Variants in SLC2A13 observed in about 807,000 individuals in gnomAD.
SLC2A13 encodes the protein solute carrier family 2 member 13.
A neutral mutation model predicts 64.4 loss-of-function variants in SLC2A13; 32 were observed. That is an observed-to-expected ratio of 0.50 (90% CI 0.37 to 0.67). SLC2A13 has a LOEUF of 0.67. Ranked by LOEUF, SLC2A13 falls within the 30% of genes least tolerant of loss-of-function variation. SLC2A13 has a pLI of 0.00. For synonymous variants in SLC2A13, 338 were observed against 327.1 expected (o/e 1.03, Z -0.36); for missense variants, 743 against 829.2 (o/e 0.90, Z 1.28).
Position 39,772,464 on chromosome 12 carries a change from A to C in SLC2A13, c.1446-7606T>G, listed in dbSNP as rs116918006. ...ATCATAATACCCTATGTAGAGATAA[A>C]TGTTCCTTGAATGATGAAGCTTTTA... On this transcript the variant is annotated intron_variant, in intron 7 of 9. Coordinates refer to ENST00000280871, the MANE Select transcript of SLC2A13 (RefSeq NM_052885.4). Among the ~76,000 whole-genome samples, 329 of 152,274 alleles carry C rather than the reference A, an allele frequency of 2.2e-3. 8 individuals carry two copies. In the East Asian group the frequency reaches 0.055, roughly 26 times the overall value.
intron 1 of SLC2A13, among the ~76,000 whole-genome samples, chr12:40,099,912 A>T (rs1285913594): frequency 1.3e-5 from 2 of 151,236 alleles, no homozygotes; most frequent in Non-Finnish European, 3.0e-5. Flanking sequence ...AAAAAAAAAA[A>T]TTTGAGCACC....
At chr12:39,795,322 A>G (rs559704391) in intron 7 of SLC2A13, among the ~76,000 whole-genome samples, 1 of 152,138 alleles carries the variant, frequency 6.6e-6, no homozygotes, top group African/African-American at 2.4e-5. Context: ...AAATCTACAC[A>G]GTTTTAAACT....
intron 4 of SLC2A13, among the ~76,000 whole-genome samples, chr12:39,937,181 C>T (rs574856387): frequency 4.0e-4 from 61 of 152,288 alleles, no homozygotes; most frequent in African/African-American, 1.2e-3. Context: ...ATAGAACTTC[C>T]TCACATCTTT....
intron 7 of SLC2A13, among the ~76,000 whole-genome samples, chr12:39,770,289 A>G (rs1237761600): frequency 1.3e-5 from 2 of 152,106 alleles, no homozygotes; most frequent in East Asian, 1.9e-4. Flanking sequence ...GTACCTAAGT[A>G]CCTAAAATAG....
chr12:40,005,411 G>T (rs1204809198), intron 3 of SLC2A13, among the ~76,000 whole-genome samples: 1 of 152,000 alleles, frequency 6.6e-6, no homozygotes, highest in East Asian at 1.9e-4. Context: ...CTTACAAAGG[G>T]TATGTGGGTG....
At chr12:39,764,188 G>A (rs1940264438) in intron 9 of SLC2A13, among the ~76,000 whole-genome samples, 1 of 151,976 alleles carries the variant, frequency 6.6e-6, no homozygotes, top group Non-Finnish European at 1.5e-5. Flanking sequence ...TTCCACCTGG[G>A]GAGATAGCTG....
At chr12:40,046,398 T>C (rs1449772015) in intron 2 of SLC2A13, among the ~76,000 whole-genome samples, 1 of 152,222 alleles carries the variant, frequency 6.6e-6, no homozygotes, top group Non-Finnish European at 1.5e-5. Context: ...GATTTCTTAA[T>C]TGTTATGCGT....
At chr12:39,885,798 C>A (rs1944451543) in intron 4 of SLC2A13, among the ~76,000 whole-genome samples, 1 of 152,106 alleles carries the variant, frequency 6.6e-6, no homozygotes, top group African/African-American at 2.4e-5. Context: ...AAGATCGTTC[C>A]CAATGCAAAA....
intron 3 of SLC2A13, among the ~76,000 whole-genome samples, chr12:39,979,045 A>AC (rs925141027): frequency 6.6e-5 from 10 of 151,000 alleles, no homozygotes; most frequent in Non-Finnish European, 8.9e-5. Context: ...ACTGGGAGGC[A>AC]CCCCCCAGCA....
At position 40,105,874 on chromosome 12, in the gene SLC2A13, A is replaced by G; in HGVS notation, c.-66T>C. ...CGGGCCGGCAGTCTCGGCGAGCTAG[A>G]CAGCCCGAGCCGGCGGGAGCAACCG... On this transcript the variant is annotated 5_prime_UTR_variant, in exon 1 of 10. Transcript: ENST00000280871. The surrounding 1 kb of genome is among the most constrained non-coding windows in gnomAD (Gnocchi z 4.2). 4 of 1,288,358 alleles carry G rather than the reference A, an allele frequency of 3.1e-6. No homozygotes were observed. In the South Asian group the frequency reaches 9.6e-5, roughly 31 times the overall value. 79.8% of individuals were successfully genotyped at this position (1,288,358 alleles called of 1,614,324 possible).
chr12:39,989,655 G>C (rs1258596820), intron 3 of SLC2A13, among the ~76,000 whole-genome samples: 3 of 152,154 alleles, frequency 2.0e-5, no homozygotes, highest in African/African-American at 7.2e-5. Context: ...GAAGATTCAG[G>C]CTTGACTGAC....
intron 4 of SLC2A13, chr12:39,908,048 A>C (rs1470207496): frequency 6.6e-6 from 1 of 152,072 alleles, no homozygotes; most frequent in Non-Finnish European, 1.5e-5. Context: ...AGAACCACAT[A>C]GACTTATCTA....
intron 3 of SLC2A13, among the ~76,000 whole-genome samples, chr12:40,005,089 T>C (rs1947393524): frequency 6.6e-6 from 1 of 152,106 alleles, no homozygotes; most frequent in African/African-American, 2.4e-5. Flanking sequence ...TGTAATCACT[T>C]ACCAGCACTG....
intron 5 of SLC2A13, 78 bp downstream of exon 5, chr12:39,871,720 G>C: frequency 1.4e-6 from 2 of 1,391,244 alleles, no homozygotes; most frequent in Non-Finnish European, 1.9e-6. Flanking sequence ...AGTGGTGTAA[G>C]TATTGTATTT....
chr12:39,845,263 C>G (rs1943276022), intron 6 of SLC2A13, among the ~76,000 whole-genome samples: 1 of 151,930 alleles, frequency 6.6e-6, no homozygotes, highest in Non-Finnish European at 1.5e-5. Flanking sequence ...AATTGACTCT[C>G]TTTTTGGGAC....
rs199676372 is a variant in SLC2A13, at chr12:39,778,063, C to A, written c.1446-13205G>T. ...CTAGACACTGCCATGGGGTTGGAGTCCCACAGCCTGCCCATCTGTATGCTC... is the reference window on the plus strand; with the variant it reads ...CTAGACACTGCCATGGGGTTGGAGTACCACAGCCTGCCCATCTGTATGCTC... On this transcript the variant is annotated intron_variant, in intron 7 of 9. Transcript: ENST00000280871. Among the ~76,000 whole-genome samples, 30 of 152,302 alleles carry A rather than the reference C, an allele frequency of 2.0e-4. No homozygotes were observed. The East Asian group carries it at 5.8e-3, about 29-fold the overall frequency.
intron 4 of SLC2A13, among the ~76,000 whole-genome samples, chr12:39,897,145 G>A (rs1011883025): frequency 5.9e-5 from 9 of 152,138 alleles, no homozygotes; most frequent in Admixed American, 4.6e-4. Flanking sequence ...TCTAGAATAA[G>A]AGATTTATTC....
intron 3 of SLC2A13, among the ~76,000 whole-genome samples, chr12:40,002,320 C>CAAACAAAAAAAA (rs1201270445): frequency 6.6e-6 from 1 of 152,112 alleles, no homozygotes; most frequent in African/African-American, 2.4e-5. Context: ...TATCCAACAA[C>CAAACAAAAAAAA]AACATTTAAA....
At chr12:39,814,687 C>T (rs1304670340) in intron 7 of SLC2A13, among the ~76,000 whole-genome samples, 1 of 152,170 alleles carries the variant, frequency 6.6e-6, no homozygotes, top group Non-Finnish European at 1.5e-5. Flanking sequence ...ACAATTACGT[C>T]TGCTATCCCT....
Sources: gnomAD v4.1 joint callset for allele counts (sites outside exome capture counted in the v4.1 genomes callset) on GRCh38, gnomAD v4.1.1 for gene constraint, Gnocchi (gnomAD v3.1) non-coding constraint, MANE v1.5 for transcripts, NCBI Gene and HGNC (gene_info 2026-07-23, HGNC 2026-07-21) for gene names.